DTX4: variants seen among roughly 807,000 people sequenced by gnomAD.
DTX4 encodes E3 ubiquitin-protein ligase DTX4.
A neutral mutation model predicts 57.6 loss-of-function variants in DTX4; 28 were observed. That is an observed-to-expected ratio of 0.49 (90% CI 0.36 to 0.67). The LOEUF (loss-of-function observed/expected upper bound fraction) is 0.67, where lower values mean the gene tolerates loss of function less well. DTX4 is among the 30% of genes least tolerant of loss of function. The pLI is 0.00. For missense variants in DTX4, 715 were observed against 836.8 expected (o/e 0.85, Z 1.80); for synonymous variants, 316 against 331.0 (o/e 0.95, Z 0.49).
chr11:59,180,354 C>A (rs1453340470), intron 1 of DTX4, among the ~76,000 whole-genome samples: 1 of 152,188 alleles, frequency 6.6e-6, no homozygotes, highest in Non-Finnish European at 1.5e-5. Flanking sequence ...GGGGATTGTT[C>A]TGCTTCTCCC....
intron 7 of DTX4, among the ~76,000 whole-genome samples, chr11:59,195,986 A>G (rs1862662940): frequency 6.6e-6 from 1 of 152,264 alleles, no homozygotes; most frequent in African/African-American, 2.4e-5. Flanking sequence ...TCTGAAAGAC[A>G]GTCCTGAAGA....
intron 3 of DTX4, 67 bp downstream of exon 3, chr11:59,188,863 C>T (rs1327247285): frequency 7.1e-7 from 1 of 1,406,632 alleles, no homozygotes; most frequent in Admixed American, 2.0e-5. Context: ...AGGTCATGAG[C>T]ATTTGTGGAA....
In DTX4 at chr11:59,205,089, A is replaced by G. The variant is rs1862788971; in HGVS notation, c.*180A>G. ...TGGGAGCCAGACTGAATATAGCGAC[A>G]TCATTCATAAATCTCATCCAACACA... On this transcript the variant is annotated 3_prime_UTR_variant, in exon 9 of 9. Transcript: ENST00000227451. 1.7e-6 allele frequency: 1 copy of G among 593,940 alleles called. No homozygotes were observed. Among genetic ancestry groups the G allele is most frequent in the Non-Finnish European group, 3.0e-6 (1 of 335,076 alleles). 36.8% of individuals were successfully genotyped at this position (593,940 alleles called of 1,614,324 possible).
At chr11:59,196,965 A>C (rs1159015638) in intron 7 of DTX4, among the ~76,000 whole-genome samples, 1 of 152,190 alleles carries the variant, frequency 6.6e-6, no homozygotes, top group African/African-American at 2.4e-5. Context: ...ACCCCGGTCC[A>C]TTGAAAAGTT....
intron 6 of DTX4, 152 bp from the exon 7 acceptor site, chr11:59,195,056 G>A: frequency 1.3e-6 from 1 of 764,060 alleles, no homozygotes; most frequent in South Asian, 1.5e-5. Context: ...TAGCCTAGGT[G>A]ACTGGGCTGG....
At chr11:59,179,194 T>A (rs2135512716) in intron 1 of DTX4, among the ~76,000 whole-genome samples, 2 of 152,330 alleles carry the variant, frequency 1.3e-5, no homozygotes, top group African/African-American at 4.8e-5. Context: ...AGGATTGCTA[T>A]GAAATTTACG....
chr11:59,176,449 A>G (rs1308482569), intron 1 of DTX4, among the ~76,000 whole-genome samples: 1 of 152,256 alleles, frequency 6.6e-6, no homozygotes, highest in Non-Finnish European at 1.5e-5. Context: ...CCTATGTCCT[A>G]TTTCTACATT....
chr11:59,192,588 T>C (rs1364315670), intron 6 of DTX4, among the ~76,000 whole-genome samples: 1 of 152,088 alleles, frequency 6.6e-6, no homozygotes, highest in East Asian at 1.9e-4. Context: ...CTCCCATCAG[T>C]GAGAGAGAAG....
At chr11:59,194,981 C>G in intron 6 of DTX4, 1 of 568,564 alleles carries the variant, frequency 1.8e-6, no homozygotes, top group South Asian at 2.1e-5. Context: ...TCTTACATAT[C>G]CCTCAGCATG....
At chr11:59,187,664 G>A (rs1258769778) in intron 2 of DTX4, among the ~76,000 whole-genome samples, 4 of 152,256 alleles carry the variant, frequency 2.6e-5, no homozygotes, top group South Asian at 2.1e-4. Context: ...ATCTGTGACC[G>A]GGTCCATTAG....
rs1169842290 is a variant in DTX4 at position 59,206,544 on chromosome 11, A to G, written c.*1635A>G. 7.0e-6 allele frequency: 1 copy of G among 143,154 alleles called. No individual in the cohort carries two copies. Among genetic ancestry groups the G allele is most frequent in the Non-Finnish European group, 1.5e-5 (1 of 66,070 alleles). The allele number at this position is 143,154 out of a possible 1,614,324, so 8.9% of individuals were successfully genotyped here. A position where few individuals can be genotyped will look rare whatever the true frequency, so the allele number is the denominator to read the frequency against. On this transcript the variant is annotated 3_prime_UTR_variant, in exon 9 of 9. Coordinates refer to ENST00000227451, the MANE Select transcript of DTX4 (RefSeq NM_015177.2). ...ATATATATATATGCATATATATTTC[A>G]TAATATTTGGAAGGTTTTTGATGCT...
chr11:59,184,600 T>G (rs1399085340), intron 2 of DTX4, among the ~76,000 whole-genome samples: 1 of 152,200 alleles, frequency 6.6e-6, no homozygotes, highest in African/African-American at 2.4e-5. Flanking sequence ...TGACTTCATT[T>G]CCATCACTGA....
intron 1 of DTX4, among the ~76,000 whole-genome samples, chr11:59,181,263 C>T (rs139106195): frequency 8.7e-4 from 132 of 152,278 alleles, no homozygotes; most frequent in African/African-American, 3.0e-3. Flanking sequence ...TGCCTTAGTG[C>T]ATTCATAGGG....
At chr11:59,184,417 A>T (rs11229867) in intron 2 of DTX4, among the ~76,000 whole-genome samples, 297 of 152,392 alleles carry the variant, frequency 1.9e-3, no homozygotes, top group Non-Finnish European at 3.0e-3. Flanking sequence ...TTCAAATGAC[A>T]TACTAAGTGT....
At chr11:59,191,012 TAAC>T in intron 4 of DTX4, 99 bp from the exon 5 acceptor site, 3 of 1,119,214 alleles carry the variant, frequency 2.7e-6, no homozygotes, top group Middle Eastern at 2.2e-4. Context: ...TTTTTGCTTT[TAAC>T]TTGCCTGATA....
In DTX4 at chr11:59,199,759, G is replaced by A. The variant is rs952818244; in HGVS notation, c.1612G>A (p.Glu538Lys). 3.2e-6 allele frequency: 5 copies of A among 1,562,242 alleles called. No homozygotes were observed. In the East Asian group the frequency reaches 7.2e-5, roughly 23 times the overall value. Residue 538 changes from glutamate to lysine, a missense_variant, in exon 8 of 9, where the codon GAG (glutamate) becomes AAG (lysine). Glu to Lys is a moderately conservative substitution (Grantham distance 56, BLOSUM62 1). Transcript: ENST00000227451. ...ACGACACTGTTACCTTCCGGACAGC[G>A]AGAAAGGGAGAAAAGTAAGACCGGA... is the stretch of plus-strand genomic sequence containing the variant. ...FPRHCYLPDSEKGRKVLKLLL... is the reference protein window; with the variant it reads ...FPRHCYLPDSKKGRKVLKLLL...
chr11:59,175,894 A>ATTT (rs143080310), intron 1 of DTX4, among the ~76,000 whole-genome samples: 2 of 137,948 alleles, frequency 1.4e-5, no homozygotes, highest in Non-Finnish European at 1.6e-5. Flanking sequence ...GTCAGGCCTC[A>ATTT]TTTTTTTTTT....
At chr11:59,181,657 G>T in intron 1 of DTX4, 82 bp from the exon 2 acceptor site, 6 of 1,502,838 alleles carry the variant, frequency 4.0e-6, no homozygotes, top group Non-Finnish European at 4.5e-6. Flanking sequence ...TGCCATTATG[G>T]CAATGGCATG....
intron 8 of DTX4, among the ~76,000 whole-genome samples, chr11:59,200,233 T>C (rs2135525894): frequency 6.6e-6 from 1 of 152,294 alleles, no homozygotes; most frequent in East Asian, 1.9e-4. Flanking sequence ...ATGAGAACAG[T>C]ATAGGGGAAA....
Sources: allele counts gnomAD v4.1 joint callset (sites outside exome capture counted in the v4.1 genomes callset), GRCh38; gene constraint gnomAD v4.1.1; transcripts MANE v1.5; gene names NCBI Gene and HGNC (gene_info 2026-07-23, HGNC 2026-07-21).